Variants in CDH12 observed in about 807,000 individuals in gnomAD.
CDH12 encodes cadherin-12.
A neutral mutation model predicts 74.1 loss-of-function variants in CDH12; 41 were observed. The observed-to-expected ratio is 0.55, with a 90% CI of 0.43 to 0.72. CDH12 has a LOEUF of 0.72. Among genes scored for constraint, CDH12 ranks in the 30% least tolerant of loss-of-function variants. The pLI is 0.00. For missense variants in CDH12, 945 were observed against 977.2 expected, an observed-to-expected ratio of 0.97 and a Z score of 0.44; for synonymous variants, 399 against 355.0, an observed-to-expected ratio of 1.12 and a Z score of -1.39.
At chr5:21,758,278 C>T (rs1180768425) in intron 13 of CDH12, among the ~76,000 whole-genome samples, 1 of 152,012 alleles carries the variant, frequency 6.6e-6, no homozygotes, top group African/African-American at 2.4e-5. Context: ...GATTGGACTG[C>T]TGTTTGTCTT....
chr5:22,451,595 C>A (rs1745046931), intron 2 of CDH12, among the ~76,000 whole-genome samples: 1 of 151,816 alleles, frequency 6.6e-6, no homozygotes, highest in Admixed American at 6.6e-5. Context: ...ATGACAAAAC[C>A]ATAGTTATCA....
intron 1 of CDH12, among the ~76,000 whole-genome samples, chr5:22,728,428 C>T (rs894581083): frequency 2.0e-5 from 3 of 151,836 alleles, no homozygotes; most frequent in Admixed American, 6.6e-5. Context: ...TAGTCATTCA[C>T]GTTGTTTTAT....
chr5:22,699,424 G>A (rs960229262), intron 1 of CDH12, among the ~76,000 whole-genome samples: 5 of 151,148 alleles, frequency 3.3e-5, no homozygotes, highest in East Asian at 1.9e-4. Flanking sequence ...CTAATGTATC[G>A]AAATATCAGA....
At chr5:22,674,391 G>T (rs1271877233) in intron 1 of CDH12, among the ~76,000 whole-genome samples, 1 of 152,094 alleles carries the variant, frequency 6.6e-6, no homozygotes, top group Non-Finnish European at 1.5e-5. Flanking sequence ...TTCACTTTCT[G>T]CCATGATTGT....
intron 2 of CDH12, among the ~76,000 whole-genome samples, chr5:22,431,259 G>A (rs1351132810): frequency 3.9e-5 from 6 of 152,096 alleles, no homozygotes; most frequent in Non-Finnish European, 7.4e-5. Context: ...TAACATTTTA[G>A]TCAACAATGG....
intron 6 of CDH12, among the ~76,000 whole-genome samples, chr5:21,878,769 A>G (rs1450223247): frequency 1.6e-5 from 2 of 126,446 alleles, no homozygotes; most frequent in South Asian, 2.8e-4. Flanking sequence ...GAAAAGAAAG[A>G]AAGAAAAGAA....
At chr5:21,942,312 C>T (rs1323705730) in intron 6 of CDH12, among the ~76,000 whole-genome samples, 1 of 145,806 alleles carries the variant, frequency 6.9e-6, no homozygotes, top group Middle Eastern at 3.3e-3. Flanking sequence ...TAATGTGCTC[C>T]AGCCACTATG....
chr5:21,779,041 G>GTTT (rs550851353), intron 11 of CDH12, among the ~76,000 whole-genome samples: 1 of 151,016 alleles, frequency 6.6e-6, no homozygotes, highest in East Asian at 1.9e-4. Context: ...GGAATTCACT[G>GTTT]TTTTTTTTTA....
At chr5:21,818,510 T>A (rs545266399) in intron 8 of CDH12, among the ~76,000 whole-genome samples, 71 of 152,056 alleles carry the variant, frequency 4.7e-4, no homozygotes, top group Middle Eastern at 3.4e-3. Flanking sequence ...TGGGAAGCAG[T>A]TAAATCTCCC....
chr5:22,588,680 T>A (rs1023620313), intron 1 of CDH12, among the ~76,000 whole-genome samples: 1 of 152,090 alleles, frequency 6.6e-6, no homozygotes, highest in African/African-American at 2.4e-5. Context: ...ATGTAAGGGA[T>A]TTAATTAGAT....
At position 21,832,858 on chromosome 5, in the gene CDH12, AT is replaced by A. The variant is rs1749119928; in HGVS notation, c.814+9302del. 1.7e-4 allele frequency among the ~76,000 whole-genome samples: 5 copies of A among 29,806 alleles called. No homozygotes were observed. The South Asian group carries it at 4.7e-3, about 28-fold the overall frequency. The allele number at this position is 29,806 out of a possible 152,430, so 19.6% of individuals were successfully genotyped here. On this transcript the variant is annotated intron_variant, in intron 8 of 14. Coordinates refer to ENST00000382254, the MANE Select transcript of CDH12 (RefSeq NM_004061.5). ...TAATATAAATCATATGATATATGAT[AT>A]ATATCATATGATATATGATATAATA...
intron 3 of CDH12, among the ~76,000 whole-genome samples, chr5:22,313,441 A>G (rs1738474336): frequency 6.6e-6 from 1 of 152,186 alleles, no homozygotes; most frequent in Non-Finnish European, 1.5e-5. Flanking sequence ...GTAGAAGACT[A>G]ATATTATATG....
chr5:21,834,584 C>G (rs1263558807), intron 8 of CDH12, among the ~76,000 whole-genome samples: 1 of 151,826 alleles, frequency 6.6e-6, no homozygotes, highest in African/African-American at 2.4e-5. Flanking sequence ...GAGAACTAAA[C>G]TGTATACTAA....
chr5:22,549,611 T>C (rs559052730), intron 1 of CDH12, among the ~76,000 whole-genome samples: 3 of 152,310 alleles, frequency 2.0e-5, no homozygotes, highest in Admixed American at 1.3e-4. Flanking sequence ...TACAGTACCA[T>C]AGTTACAGTT....
Position 22,671,036 on chromosome 5 carries a change from T to C in CDH12, c.-522-165672A>G, listed in dbSNP as rs192377705. On this transcript the variant is annotated intron_variant, in intron 1 of 14. Transcript: ENST00000382254. ...TGAAATATATGTGTGCATATATATA[T>C]ATATATAATGACAAAACTATAACAG... is the stretch of plus-strand genomic sequence containing the variant. Among the ~76,000 whole-genome samples the C allele has an allele frequency of 3.3e-5, 5 of 152,088 alleles. No homozygotes were observed. The East Asian group carries it at 5.8e-4, about 18-fold the overall frequency.
chr5:22,843,309 C>T (rs1389718127), intron 1 of CDH12, among the ~76,000 whole-genome samples: 2 of 151,998 alleles, frequency 1.3e-5, no homozygotes, highest in Non-Finnish European at 2.9e-5. Flanking sequence ...TAAATAAATT[C>T]ACTAAGAGTT....
chr5:21,901,778 T>C (rs1319208479), intron 6 of CDH12, among the ~76,000 whole-genome samples: 2 of 152,128 alleles, frequency 1.3e-5, no homozygotes, highest in Non-Finnish European at 2.9e-5. Context: ...TGATCCAGGC[T>C]TGACAAACAA....
At chr5:22,116,107 G>A (rs1242400505) in intron 4 of CDH12, among the ~76,000 whole-genome samples, 1 of 152,152 alleles carries the variant, frequency 6.6e-6, no homozygotes, top group Non-Finnish European at 1.5e-5. Context: ...AAAAGGGAGA[G>A]CACCTTAGTT....
At chr5:22,217,961 A>T (rs1326800929) in intron 3 of CDH12, among the ~76,000 whole-genome samples, 2 of 151,642 alleles carry the variant, frequency 1.3e-5, no homozygotes, top group Admixed American at 1.3e-4. Flanking sequence ...TTAGATGATG[A>T]AAATTCTGAC....
Sources: gnomAD v4.1 joint callset for allele counts (sites outside exome capture counted in the v4.1 genomes callset) on GRCh38, gnomAD v4.1.1 for gene constraint, MANE v1.5 for transcripts, NCBI Gene and HGNC (gene_info 2026-07-23, HGNC 2026-07-21) for gene names.